CPEB3: variants seen among roughly 807,000 people sequenced by gnomAD.
CPEB3 encodes cytoplasmic polyadenylation element-binding protein 3.
CPEB3 carries 20 observed loss-of-function variants against 67.2 expected under a neutral mutation model. The ratio of observed to expected loss-of-function variants is 0.30; its 90% confidence interval spans 0.21 to 0.43. The LOEUF (loss-of-function observed/expected upper bound fraction) is 0.43, where lower values mean the gene tolerates loss of function less well. CPEB3 is among the 20% of genes least tolerant of loss of function. The pLI is 1.00. For synonymous variants in CPEB3, 376 were observed against 393.1 expected, an observed-to-expected ratio of 0.96 and a Z score of 0.51; for missense variants, 746 against 968.6, an observed-to-expected ratio of 0.77 and a Z score of 3.05.
intron 3 of CPEB3, among the ~76,000 whole-genome samples, chr10:92,185,880 A>C (rs1236656464): frequency 1.3e-5 from 2 of 152,320 alleles, no homozygotes; most frequent in Admixed American, 6.5e-5. Flanking sequence ...AATCTGTTTT[A>C]AGGAAATGAT....
chr10:92,189,809 G>A lies in CPEB3; in HGVS notation c.1165+2668C>T, dbSNP rs58369835. 5.8e-3 allele frequency among the ~76,000 whole-genome samples: 799 copies of A among 137,656 alleles called. 7 individuals carry two copies. The highest frequency in any genetic ancestry group is 0.021 in the African/African-American group (760 of 36,320). The allele number at this position is 137,656 out of a possible 152,430, so 90.3% of individuals were successfully genotyped here. ...TGCAACCTCCAACTCCCTGGTTCAA[G>A]CAATCACCACGCCCTGCCTCCAGTG... On this transcript the variant is annotated intron_variant, in intron 3 of 9. Transcript: ENST00000265997.
intron 1 of CPEB3, among the ~76,000 whole-genome samples, chr10:92,249,883 G>A (rs547992574): frequency 1.0e-4 from 15 of 149,602 alleles, no homozygotes; most frequent in Admixed American, 2.7e-4. Flanking sequence ...ATAGCTGGGC[G>A]TGGTGGCAGG....
intron 6 of CPEB3, among the ~76,000 whole-genome samples, chr10:92,131,908 G>T (rs970966578): frequency 6.6e-6 from 1 of 152,160 alleles, no homozygotes; most frequent in Non-Finnish European, 1.5e-5. Context: ...CTGTCTAACA[G>T]AAATGTAATA....
chr10:92,109,574 T>C (rs1844634530), intron 7 of CPEB3, among the ~76,000 whole-genome samples: 1 of 152,072 alleles, frequency 6.6e-6, no homozygotes, highest in African/African-American at 2.4e-5. Flanking sequence ...TTTGTGTGTG[T>C]GGAGGGGGAC....
In CPEB3 at chr10:92,047,314, CA is replaced by C. The variant is rs1267247381; in HGVS notation, c.*4897del. ...ACATACCATACAAGCTAGTGAAAAG[CA>C]ACAATCCATTCAAATAAGCCAGTTT... On this transcript the variant is annotated 3_prime_UTR_variant, in exon 10 of 10. Coordinates refer to ENST00000265997, the MANE Select transcript of CPEB3 (RefSeq NM_014912.5). 6.6e-6 allele frequency: 1 copy of C among 150,912 alleles called. No homozygotes were observed. The highest frequency in any genetic ancestry group is 1.5e-5 in the Non-Finnish European group (1 of 67,788). The allele number at this position is 150,912 out of a possible 1,614,324, so 9.3% of individuals were successfully genotyped here. A position where few individuals can be genotyped will look rare whatever the true frequency, so the allele number is the denominator to read the frequency against.
At chr10:92,190,152 C>A (rs1848896880) in intron 3 of CPEB3, among the ~76,000 whole-genome samples, 1 of 152,008 alleles carries the variant, frequency 6.6e-6, no homozygotes, top group Non-Finnish European at 1.5e-5. Flanking sequence ...GTGGCAGGTG[C>A]CTGTAATCCC....
chr10:92,244,908 T>C (rs958868018), intron 1 of CPEB3, among the ~76,000 whole-genome samples: 1 of 152,172 alleles, frequency 6.6e-6, no homozygotes, highest in African/African-American at 2.4e-5. Flanking sequence ...CTTGTGGGAT[T>C]TGGTTCAGTG....
intron 2 of CPEB3, among the ~76,000 whole-genome samples, chr10:92,232,256 T>C (rs1173741390): frequency 7.2e-6 from 1 of 138,398 alleles, no homozygotes; most frequent in Non-Finnish European, 1.6e-5. Context: ...GGTTTCACCA[T>C]GTTGGCCAGG....
chr10:92,087,644 G>A (rs1438991577), intron 8 of CPEB3, among the ~76,000 whole-genome samples: 1 of 152,122 alleles, frequency 6.6e-6, no homozygotes, highest in Non-Finnish European at 1.5e-5. Flanking sequence ...TTAATCAACT[G>A]GGGAAGAGTA....
At chr10:92,206,076 C>CTTT (rs575156457) in intron 2 of CPEB3, among the ~76,000 whole-genome samples, 1 of 139,250 alleles carries the variant, frequency 7.2e-6, no homozygotes, top group Non-Finnish European at 1.6e-5. Flanking sequence ...CCAGTAAATA[C>CTTT]TTTTTTTTTT....
intron 6 of CPEB3, among the ~76,000 whole-genome samples, chr10:92,128,104 A>G (rs1367429404): frequency 1.3e-5 from 2 of 152,198 alleles, no homozygotes; most frequent in African/African-American, 2.4e-5. Context: ...AGTCATTAAT[A>G]TTTTCATTTA....
intron 1 of CPEB3, among the ~76,000 whole-genome samples, chr10:92,248,256 A>G (rs1852150923): frequency 6.6e-6 from 1 of 152,238 alleles, no homozygotes; most frequent in South Asian, 2.1e-4. Context: ...TTATGTAAAT[A>G]GTTGTTATAC....
chr10:92,263,246 T>C (rs954517598), intron 1 of CPEB3, among the ~76,000 whole-genome samples: 2 of 152,154 alleles, frequency 1.3e-5, no homozygotes, highest in Non-Finnish European at 2.9e-5. Context: ...TGGCAAATTT[T>C]TGTATTTTTA....
At chr10:92,273,726 C>G (rs147963539) in intron 1 of CPEB3, among the ~76,000 whole-genome samples, 1 of 152,138 alleles carries the variant, frequency 6.6e-6, no homozygotes, top group South Asian at 2.1e-4. Flanking sequence ...TTATTCCCAG[C>G]AGAGGGTGAG....
intron 9 of CPEB3, among the ~76,000 whole-genome samples, chr10:92,059,934 C>T (rs1187065447): frequency 1.5e-5 from 2 of 132,078 alleles, no homozygotes; most frequent in African/African-American, 3.0e-5. Flanking sequence ...TCCAGCCTGG[C>T]GACAGAGCGA....
At chr10:92,229,859 A>T (rs1329319570) in intron 2 of CPEB3, among the ~76,000 whole-genome samples, 1 of 152,238 alleles carries the variant, frequency 6.6e-6, no homozygotes, top group Non-Finnish European at 1.5e-5. Flanking sequence ...AGCCTGACCA[A>T]CATGGAGAAA....
intron 4 of CPEB3, among the ~76,000 whole-genome samples, 194 bp downstream of exon 4, chr10:92,180,769 G>A (rs1220018839): frequency 2.0e-5 from 3 of 152,168 alleles, no homozygotes; most frequent in Non-Finnish European, 4.4e-5. Flanking sequence ...CATGGGGCCT[G>A]AGATTTTAAT....
At chr10:92,081,299 T>C in intron 9 of CPEB3, 21 bp downstream of exon 9, 1 of 1,614,056 alleles carries the variant, frequency 6.2e-7, no homozygotes, top group Non-Finnish European at 8.5e-7. Context: ...CATAGCAGTT[T>C]CACCCTAAGT....
At chr10:92,216,726 A>C in intron 2 of CPEB3, 1 of 1,607,398 alleles carries the variant, frequency 6.2e-7, no homozygotes. Flanking sequence ...GTCAAGCCCC[A>C]CGAGGAGTAC....
Sources: gnomAD v4.1 joint callset for allele counts (sites outside exome capture counted in the v4.1 genomes callset) on GRCh38, gnomAD v4.1.1 for gene constraint, MANE v1.5 for transcripts, NCBI Gene and HGNC (gene_info 2026-07-23, HGNC 2026-07-21) for gene names.